Variants in MYO18B observed in about 807,000 individuals in gnomAD.
The protein encoded by MYO18B is myosin XVIIIB.
A neutral mutation model predicts 273.0 loss-of-function variants in MYO18B; 204 were observed. The observed-to-expected ratio is 0.75, with a 90% CI of 0.67 to 0.84. The LOEUF (loss-of-function observed/expected upper bound fraction) is 0.84, where lower values mean the gene tolerates loss of function less well. MYO18B is among the 40% of genes least tolerant of loss of function. MYO18B has a pLI of 0.00. For missense variants in MYO18B, 3,212 were observed against 3,287.6 expected (o/e 0.98, Z 0.56); for synonymous variants, 1,330 against 1,305.7 (o/e 1.02, Z -0.40).
chr22:25,917,239 C>A (rs1047762850), intron 33 of MYO18B, among the ~76,000 whole-genome samples: 5 of 152,036 alleles, frequency 3.3e-5, no homozygotes, highest in African/African-American at 1.2e-4. Flanking sequence ...AAACTACCTC[C>A]TGTTAACTTT....
Position 25,823,495 on chromosome 22 carries a change from C to A in MYO18B, c.2522-10C>A. 1 of 1,613,252 alleles carries A rather than the reference C, an allele frequency of 6.2e-7. No individual in the cohort carries two copies. Among genetic ancestry groups the A allele is most frequent in the Non-Finnish European group, 8.5e-7 (1 of 1,179,496 alleles). On this transcript the variant is annotated splice_polypyrimidine_tract_variant and intron_variant, in intron 12 of 43. Coordinates refer to ENST00000335473, the MANE Select transcript of MYO18B (RefSeq NM_032608.7). ...CTCACTGCCACGCCTCTGTTTTGTC[C>A]CCTTTGCAGTGGGTCGGAAGCAGTT...
At chr22:25,914,880 A>G (rs1429070765) in intron 33 of MYO18B, among the ~76,000 whole-genome samples, 7 of 150,114 alleles carry the variant, frequency 4.7e-5, no homozygotes, top group Admixed American at 2.0e-4. Flanking sequence ...TGTATTTTTC[A>G]TAGAGATGGG....
chr22:25,946,694 C>T (rs2092716419), intron 35 of MYO18B, among the ~76,000 whole-genome samples: 1 of 152,188 alleles, frequency 6.6e-6, no homozygotes, highest in East Asian at 1.9e-4. Flanking sequence ...ACCCTGCTTG[C>T]CACTCTAAGT....
chr22:25,864,274 C>T (rs2090824411), intron 21 of MYO18B, among the ~76,000 whole-genome samples: 1 of 152,154 alleles, frequency 6.6e-6, no homozygotes, highest in South Asian at 2.1e-4. Flanking sequence ...AAATGCTTCT[C>T]ATTTTGTTGT....
chr22:25,898,129 C>G, intron 28 of MYO18B, 178 bp from the exon 29 acceptor site: 1 of 608,900 alleles, frequency 1.6e-6, no homozygotes, highest in Admixed American at 3.4e-5. Context: ...AACTGAGGCT[C>G]AGAAAAGTAG....
chr22:25,835,216 C>T (rs2145949602), intron 16 of MYO18B, 80 bp from the exon 17 acceptor site: 1 of 1,491,774 alleles, frequency 6.7e-7, no homozygotes, highest in Non-Finnish European at 8.9e-7. Context: ...GCTCTCATTC[C>T]CTATCGGTGG....
chr22:25,873,327 C>T (rs1393874547), intron 22 of MYO18B, among the ~76,000 whole-genome samples: 1 of 152,206 alleles, frequency 6.6e-6, no homozygotes, highest in Non-Finnish European at 1.5e-5. Context: ...CTGCTAGATC[C>T]CTCAGCACCT....
chr22:25,993,724 C>A (rs933019769), intron 40 of MYO18B, among the ~76,000 whole-genome samples: 5 of 152,114 alleles, frequency 3.3e-5, no homozygotes, highest in African/African-American at 1.2e-4. Flanking sequence ...ACCTTTGGGA[C>A]TTGTGGGTGC....
intron 37 of MYO18B, 33 bp downstream of exon 37, chr22:25,950,483 A>C (rs374609003): frequency 2.9e-5 from 44 of 1,508,566 alleles, no homozygotes; most frequent in Non-Finnish European, 3.9e-5. Flanking sequence ...TAGTTGTATT[A>C]GTCAGGGTTT....
intron 12 of MYO18B, among the ~76,000 whole-genome samples, chr22:25,810,525 C>T (rs2088700690): frequency 6.6e-6 from 1 of 150,470 alleles, no homozygotes; most frequent in Non-Finnish European, 1.5e-5. Flanking sequence ...CCTCTGCCTC[C>T]CAGTTTCAAG....
Position 25,772,383 on chromosome 22 carries a change from G to C in MYO18B, c.1742G>C (p.Ser581Thr). 1 of 1,614,000 alleles carries C rather than the reference G, an allele frequency of 6.2e-7. No homozygotes were observed. Among genetic ancestry groups the C allele is most frequent in the South Asian group, 1.1e-5 (1 of 91,082 alleles). ...DQVEDLASLI[S>T]VNESSVLNTL... ...GTCGAGGACCTGGCCTCTCTCATCA[G>C]TGTCAACGAATCCAGTGTCCTGAAC... Residue 581 changes from serine (S) to threonine (T), a missense_variant, in exon 7 of 44, where the codon AGT becomes ACT. Ser to Thr is a moderately conservative substitution (Grantham distance 58, BLOSUM62 1). Transcript: ENST00000335473.
Position 26,027,963 on chromosome 22 carries a change from G to A in MYO18B, c.*12+273G>A, listed in dbSNP as rs1191420818. ...ACCGCTAAAGAAGGTGCCAGATGTAGCCGGGCGCGGTGGCTCACGCCTGTA... is the reference window on the plus strand; with the variant it reads ...ACCGCTAAAGAAGGTGCCAGATGTAACCGGGCGCGGTGGCTCACGCCTGTA... On this transcript the variant is annotated intron_variant, in intron 43 of 43. Transcript: ENST00000335473. The surrounding 1 kb of genome is among the most constrained non-coding windows in gnomAD (Gnocchi z 4.1). Among the ~76,000 whole-genome samples, 1 of 152,048 alleles carries A rather than the reference G, an allele frequency of 6.6e-6. No homozygotes were observed. Among genetic ancestry groups the A allele is most frequent in the East Asian group, 1.9e-4 (1 of 5,180 alleles).
At position 25,990,768 on chromosome 22, in the gene MYO18B, C is replaced by T. The variant is rs147044689; in HGVS notation, c.6157-1595C>T. Among the ~76,000 whole-genome samples, 184 of 145,160 alleles carry T rather than the reference C, an allele frequency of 1.3e-3. 4 individuals are homozygous for T. In the South Asian group the frequency reaches 0.023, roughly 19 times the overall value. ...CCAGGCTAAGAGAGGGGCTGTGAGC[C>T]ATTCATTTTCACTTAGCTACTCAGT... On this transcript the variant is annotated intron_variant, in intron 39 of 43. Transcript: ENST00000335473.
intron 28 of MYO18B, chr22:25,897,891 C>T (rs750361198): frequency 6.2e-5 from 10 of 161,680 alleles, no homozygotes; most frequent in Admixed American, 1.8e-4. Flanking sequence ...CTTGGGATTC[C>T]GGGTCAGATT....
chr22:26,023,710 A>G lies in MYO18B; in HGVS notation c.6471-2735A>G, dbSNP rs149263514. ...ATGAGACAGAGCATCCAAGACACTC[A>G]TTCATCACACCCGCCTCCTTTCAGG... On this transcript the variant is annotated intron_variant, in intron 42 of 43. Coordinates refer to ENST00000335473, the MANE Select transcript of MYO18B (RefSeq NM_032608.7). 5.8e-3 allele frequency among the ~76,000 whole-genome samples: 880 copies of G among 152,276 alleles called. 8 individuals carry two copies. Among genetic ancestry groups the G allele is most frequent in the African/African-American group, 0.02 (834 of 41,544 alleles).
At chr22:25,815,100 G>T (rs1166010362) in intron 12 of MYO18B, among the ~76,000 whole-genome samples, 1 of 152,234 alleles carries the variant, frequency 6.6e-6, no homozygotes, top group South Asian at 2.1e-4. Context: ...AGGCTCAGAC[G>T]CATGGTGAGT....
At chr22:25,860,049 A>G (rs1368654704) in intron 21 of MYO18B, among the ~76,000 whole-genome samples, 2 of 152,202 alleles carry the variant, frequency 1.3e-5, no homozygotes, top group African/African-American at 4.8e-5. Flanking sequence ...CTTTCTGCAT[A>G]TGGATATTCA....
intron 21 of MYO18B, among the ~76,000 whole-genome samples, chr22:25,854,304 T>C (rs695748): frequency 0.85 from 129,620 of 152,208 alleles, 55,392 homozygotes; most frequent in East Asian, 1. Flanking sequence ...ACTCTCATTA[T>C]AAAATATCAG....
intron 17 of MYO18B, among the ~76,000 whole-genome samples, 188 bp from the exon 18 acceptor site, chr22:25,843,547 G>T (rs1388083382): frequency 1.3e-5 from 2 of 152,176 alleles, no homozygotes; most frequent in Non-Finnish European, 2.9e-5. Flanking sequence ...AAGCAAGAAA[G>T]AATAAAATCC....
Sources: allele counts gnomAD v4.1 joint callset (sites outside exome capture counted in the v4.1 genomes callset), GRCh38; gene constraint gnomAD v4.1.1; non-coding constraint Gnocchi (gnomAD v3.1); transcripts MANE v1.5; gene names NCBI Gene and HGNC (gene_info 2026-07-23, HGNC 2026-07-21).